AMPH: variants seen among roughly 807,000 people sequenced by gnomAD.
AMPH encodes the protein amphiphysin (Stiff-Mann syndrome with breast cancer 128kD autoantigen).
In AMPH, 49 loss-of-function variants were observed where a neutral mutation model predicts 99.1. That is an observed-to-expected ratio of 0.49 (90% confidence interval 0.39 to 0.63). The LOEUF is 0.63. Among genes scored for constraint, AMPH ranks in the 20% least tolerant of loss-of-function variants. The probability of loss-of-function intolerance (pLI) is 0.00; values close to 1 mark genes in which losing one functional copy is unlikely to be tolerated. For missense variants in AMPH, 759 were observed against 863.4 expected (o/e 0.88, Z 1.52); for synonymous variants, 314 against 317.3 (o/e 0.99, Z 0.11).
intron 1 of AMPH, among the ~76,000 whole-genome samples, chr7:38,597,963 T>C (rs1211082383): frequency 6.6e-6 from 1 of 152,218 alleles, no homozygotes; most frequent in African/African-American, 2.4e-5. Flanking sequence ...TATTTTATCT[T>C]CCTCACATTA....
intron 5 of AMPH, among the ~76,000 whole-genome samples, chr7:38,480,064 A>C (rs1349289669): frequency 2.0e-5 from 3 of 152,054 alleles, no homozygotes. Flanking sequence ...AAAAGAAAAA[A>C]AAAACACAAT....
chr7:38,534,615 G>A (rs1237693748), intron 2 of AMPH, among the ~76,000 whole-genome samples: 1 of 152,158 alleles, frequency 6.6e-6, no homozygotes, highest in Non-Finnish European at 1.5e-5. Context: ...TGTTGAGGCT[G>A]AAGTGAGCCA....
chr7:38,491,347 G>C (rs991460966), intron 4 of AMPH, among the ~76,000 whole-genome samples: 1 of 152,180 alleles, frequency 6.6e-6, no homozygotes, highest in African/African-American at 2.4e-5. Context: ...AAACAGGCTA[G>C]CTCAGAGCTC....
intron 2 of AMPH, among the ~76,000 whole-genome samples, chr7:38,507,127 T>C (rs1789356031): frequency 6.6e-6 from 1 of 152,158 alleles, no homozygotes; most frequent in African/African-American, 2.4e-5. Context: ...TTTCCTTCAG[T>C]AGAAATAAAG....
chr7:38,600,971 G>T (rs1430622051), intron 1 of AMPH, among the ~76,000 whole-genome samples: 1 of 152,184 alleles, frequency 6.6e-6, no homozygotes, highest in East Asian at 1.9e-4. Context: ...CTCAAAAGAC[G>T]ATTACAAATG....
intron 15 of AMPH, among the ~76,000 whole-genome samples, chr7:38,424,109 C>A (rs907609559): frequency 2.0e-5 from 3 of 152,114 alleles, no homozygotes; most frequent in Admixed American, 6.5e-5. Flanking sequence ...GAAATCTGGC[C>A]AGCCCAAAGG....
At chr7:38,576,284 AGCTCCAC>A (rs1792237780) in intron 1 of AMPH, among the ~76,000 whole-genome samples, 9 of 152,196 alleles carry the variant, frequency 5.9e-5, no homozygotes, top group African/African-American at 2.2e-4. Flanking sequence ...CTTAATATTG[AGCTCCAC>A]GACTCATGCT....
At chr7:38,621,085 A>G (rs1794042156) in intron 1 of AMPH, among the ~76,000 whole-genome samples, 1 of 152,172 alleles carries the variant, frequency 6.6e-6, no homozygotes, top group Non-Finnish European at 1.5e-5. Context: ...ACAAAGTGTC[A>G]GAGGTATAGA....
chr7:38,432,326 A>T, intron 12 of AMPH, 114 bp from the exon 13 acceptor site: 1 of 923,102 alleles, frequency 1.1e-6, no homozygotes, highest in Non-Finnish European at 1.7e-6. Context: ...TTTGTACAGT[A>T]CTGTTCAATA....
chr7:38,525,279 G>C (rs201789368), intron 2 of AMPH, among the ~76,000 whole-genome samples: 1 of 39,864 alleles, frequency 2.5e-5, no homozygotes, highest in Non-Finnish European at 5.0e-5. Flanking sequence ...TATATATATA[G>C]AGAGAGAGAG....
intron 1 of AMPH, among the ~76,000 whole-genome samples, chr7:38,539,026 T>C (rs1000143515): frequency 8.6e-5 from 13 of 151,890 alleles, no homozygotes; most frequent in African/African-American, 2.4e-4. Flanking sequence ...AAATATGAGG[T>C]TCAGAAAGAA....
Position 38,384,933 on chromosome 7 carries a change from A to G in AMPH, c.1981-8T>C. 6.2e-7 allele frequency: 1 copy of G among 1,612,536 alleles called. No individual in the cohort carries two copies. Among genetic ancestry groups the G allele is most frequent in the Non-Finnish European group, 8.5e-7 (1 of 1,178,728 alleles). ...CACCAGCCAGCCTGCATCCTGAAAA[A>G]CAATGACAGAACTTTCAGGGTCCAG... On this transcript the variant is annotated splice_polypyrimidine_tract_variant and splice_region_variant and intron_variant, in intron 20 of 20. Coordinates refer to ENST00000356264, the MANE Select transcript of AMPH (RefSeq NM_001635.4).
intron 5 of AMPH, among the ~76,000 whole-genome samples, chr7:38,487,509 T>C (rs1788546706): frequency 1.3e-5 from 2 of 152,130 alleles, no homozygotes; most frequent in East Asian, 1.9e-4. Flanking sequence ...TTATACCTTA[T>C]ACAAAAATTA....
intron 1 of AMPH, among the ~76,000 whole-genome samples, chr7:38,548,968 G>T (rs1791088869): frequency 6.6e-6 from 1 of 152,214 alleles, no homozygotes; most frequent in African/African-American, 2.4e-5. Context: ...AACATGCCTG[G>T]TTCTCAGGTA....
At chr7:38,428,888 T>C (rs35065491) in intron 14 of AMPH, 34,610 of 698,640 alleles carry the variant, frequency 0.05, 1,110 homozygotes, top group South Asian at 0.094. Flanking sequence ...TATACCCTGC[T>C]CTTAGATCTT....
intron 2 of AMPH, among the ~76,000 whole-genome samples, chr7:38,520,656 G>C (rs1409239369): frequency 6.6e-6 from 1 of 152,214 alleles, no homozygotes; most frequent in Non-Finnish European, 1.5e-5. Flanking sequence ...CAGAGGAAAA[G>C]AGACTCCTGA....
chr7:38,531,254 C>T (rs1790387496), intron 2 of AMPH: 1 of 152,232 alleles, frequency 6.6e-6, no homozygotes, highest in African/African-American at 2.4e-5. Flanking sequence ...TAGCACACAA[C>T]AGCCCAGGAC....
chr7:38,481,358 T>C (rs199925216), intron 5 of AMPH, among the ~76,000 whole-genome samples: 1 of 148,962 alleles, frequency 6.7e-6, no homozygotes, highest in Admixed American at 6.7e-5. Context: ...GAAAAAGAAG[T>C]TGTTGAGATT....
chr7:38,440,633 A>G (rs1354532378), intron 11 of AMPH, among the ~76,000 whole-genome samples: 2 of 152,196 alleles, frequency 1.3e-5, no homozygotes, highest in Non-Finnish European at 2.9e-5. Flanking sequence ...TTGCATAAAA[A>G]ACAGAAGTGG....
Sources: gnomAD v4.1 joint callset for allele counts (sites outside exome capture counted in the v4.1 genomes callset) on GRCh38, gnomAD v4.1.1 for gene constraint, MANE v1.5 for transcripts, NCBI Gene and HGNC (gene_info 2026-07-23, HGNC 2026-07-21) for gene names.